The following ABCB1 variants were observed in gnomAD, a reference collection of about 807,000 sequenced individuals.
ABCB1 encodes the protein ATP binding cassette subfamily B member 1.
ABCB1 carries 69 observed loss-of-function variants against 142.0 expected under a neutral mutation model. That is an observed-to-expected ratio of 0.49 (90% CI 0.40 to 0.59). The LOEUF is 0.59. ABCB1 is among the 20% of genes least tolerant of loss of function. The pLI is 0.00. For missense variants in ABCB1, 1,326 were observed against 1,554.7 expected, an observed-to-expected ratio of 0.85 and a Z score of 2.47; for synonymous variants, 532 against 539.2, an observed-to-expected ratio of 0.99 and a Z score of 0.18.
At chr7:87,570,362 T>A in intron 4 of ABCB1, 139 bp from the exon 5 acceptor site, 1 of 839,988 alleles carries the variant, frequency 1.2e-6, no homozygotes, top group Non-Finnish European at 2.0e-6. Flanking sequence ...TAATTGTGTG[T>A]AAGCATTATG....
chr7:87,593,099 G>A (rs1819062329), intron 3 of ABCB1, among the ~76,000 whole-genome samples: 1 of 151,852 alleles, frequency 6.6e-6, no homozygotes, highest in Non-Finnish European at 1.5e-5. Context: ...GCTAATTTTT[G>A]TACTTTTCAC....
chr7:87,520,663 C>T lies in ABCB1; in HGVS notation c.2786+113G>A, dbSNP rs750776156. The T allele has an allele frequency of 8.3e-4, 747 of 897,868 alleles. 3 individuals carry two copies. Among genetic ancestry groups the T allele is most frequent in the Non-Finnish European group, 2.9e-4 (158 of 542,490 alleles). The allele number at this position is 897,868 out of a possible 1,614,324, so 55.6% of individuals were successfully genotyped here. A position where few individuals can be genotyped will look rare whatever the true frequency, so the allele number is the denominator to read the frequency against. On this transcript the variant is annotated intron_variant, in intron 22 of 27. Transcript: ENST00000622132. The stretch of plus-strand genomic sequence containing the variant: ...CAACTGTTTCTCAATGGTTTACCTT[C>T]GAGCACTTTCTCCACTTGCTCCCTA...
intron 2 of ABCB1, among the ~76,000 whole-genome samples, chr7:87,596,979 T>C (rs1259944266): frequency 3.9e-5 from 6 of 152,114 alleles, no homozygotes; most frequent in African/African-American, 1.2e-4. Context: ...GGAGAAGTTA[T>C]AATGTTCCAG....
chr7:87,613,924 A>G (rs1418271778), intron 1 of ABCB1, among the ~76,000 whole-genome samples: 1 of 152,356 alleles, frequency 6.6e-6, no homozygotes, highest in East Asian at 1.9e-4. Flanking sequence ...ATCTATAAAA[A>G]GAAATTACCA....
chr7:87,585,830 A>T, intron 3 of ABCB1, 150 bp from the exon 4 acceptor site: 3 of 744,274 alleles, frequency 4.0e-6, no homozygotes, highest in Non-Finnish European at 6.6e-6. Flanking sequence ...CCTTTGCTAA[A>T]TTATTGCAAT....
intron 1 of ABCB1, among the ~76,000 whole-genome samples, chr7:87,615,925 G>C (rs997010958): frequency 2.0e-5 from 3 of 152,196 alleles, no homozygotes; most frequent in African/African-American, 7.2e-5. Context: ...GGGATGGTGA[G>C]ATATTCAGAA....
intron 1 of ABCB1, among the ~76,000 whole-genome samples, chr7:87,658,933 C>T (rs746318274): frequency 3.3e-5 from 5 of 152,184 alleles, no homozygotes; most frequent in Admixed American, 2.0e-4. Context: ...AAGCGGATCA[C>T]TTGAGCTCAG....
At chr7:87,644,385 C>T (rs185465657) in intron 1 of ABCB1, among the ~76,000 whole-genome samples, 1 of 152,124 alleles carries the variant, frequency 6.6e-6, no homozygotes, top group Admixed American at 6.5e-5. Flanking sequence ...ATTACCTCAC[C>T]CCTGTGTTAG....
intron 21 of ABCB1, among the ~76,000 whole-genome samples, chr7:87,525,553 T>C (rs951544323): frequency 6.6e-5 from 10 of 152,180 alleles, no homozygotes; most frequent in Non-Finnish European, 2.9e-5. Context: ...ATGTAATACA[T>C]ATTTGTATTT....
At chr7:87,580,363 T>C (rs905214787) in intron 4 of ABCB1, among the ~76,000 whole-genome samples, 6 of 152,248 alleles carry the variant, frequency 3.9e-5, no homozygotes, top group Non-Finnish European at 8.8e-5. Flanking sequence ...GCACTTTAAA[T>C]ATGTCACGCT....
chr7:87,570,375 A>G (rs1426880298), intron 4 of ABCB1, 152 bp from the exon 5 acceptor site: 1 of 761,842 alleles, frequency 1.3e-6, no homozygotes, highest in Non-Finnish European at 2.3e-6. Context: ...GCATTATGGC[A>G]TTCATTCAAA....
chr7:87,617,519 A>G (rs1422992345), intron 1 of ABCB1, among the ~76,000 whole-genome samples: 1 of 152,228 alleles, frequency 6.6e-6, no homozygotes, highest in African/African-American at 2.4e-5. Context: ...CTTCTTCTGT[A>G]GAGTACAACT....
At chr7:87,677,124 G>C (rs1412743535) in intron 1 of ABCB1, among the ~76,000 whole-genome samples, 1 of 152,026 alleles carries the variant, frequency 6.6e-6, no homozygotes, top group East Asian at 1.9e-4. Flanking sequence ...TTCTACTTCT[G>C]GGTTATTTAT....
At chr7:87,578,177 G>T (rs1311578003) in intron 4 of ABCB1, among the ~76,000 whole-genome samples, 1 of 152,134 alleles carries the variant, frequency 6.6e-6, no homozygotes, top group Non-Finnish European at 1.5e-5. Flanking sequence ...TGAAGAGACG[G>T]TCTTTTCCCC....
intron 3 of ABCB1, among the ~76,000 whole-genome samples, chr7:87,594,833 T>C (rs1190571038): frequency 6.6e-6 from 1 of 152,182 alleles, no homozygotes; most frequent in Admixed American, 6.5e-5. Context: ...ACTATTTTTA[T>C]AGTCAATTTA....
chr7:87,665,809 G>T (rs1037521877), intron 1 of ABCB1, among the ~76,000 whole-genome samples: 1 of 151,950 alleles, frequency 6.6e-6, no homozygotes, highest in African/African-American at 2.4e-5. Flanking sequence ...TTCTGTTCCC[G>T]CATTATTTCA....
chr7:87,555,037 A>G (rs982838074), intron 8 of ABCB1, among the ~76,000 whole-genome samples: 3 of 152,210 alleles, frequency 2.0e-5, no homozygotes, highest in African/African-American at 7.2e-5. Context: ...AAACCCTCAG[A>G]GGGTGGTCAA....
At chr7:87,601,103 C>T (rs1268286130), upstream of ABCB1, 1 of 152,190 alleles carries the variant, frequency 6.6e-6, no homozygotes, top group Non-Finnish European at 1.5e-5. Context: ...TAGAGAAACG[C>T]GCATCAGCTG....
chr7:87,585,998 G>T (rs946591310), intron 3 of ABCB1, among the ~76,000 whole-genome samples: 4 of 152,120 alleles, frequency 2.6e-5, no homozygotes, highest in African/African-American at 9.7e-5. Context: ...GGTATTTGTT[G>T]CTCTAGTTTC....
Sources: gnomAD v4.1 joint callset for allele counts (sites outside exome capture counted in the v4.1 genomes callset) on GRCh38, gnomAD v4.1.1 for gene constraint, MANE v1.5 for transcripts, NCBI Gene and HGNC (gene_info 2026-07-23, HGNC 2026-07-21) for gene names.